Variants in LRBA observed in about 807,000 individuals in gnomAD.
LRBA encodes lipopolysaccharide-responsive and beige-like anchor protein.
A neutral mutation model predicts 330.0 loss-of-function variants in LRBA; 176 were observed. The ratio of observed to expected loss-of-function variants is 0.53; its 90% CI spans 0.47 to 0.60. The LOEUF (loss-of-function observed/expected upper bound fraction) is 0.60. Among genes scored for constraint, LRBA ranks in the 20% least tolerant of loss-of-function variants. LRBA has a pLI of 0.00. For synonymous variants in LRBA, 1,230 were observed against 1,193.0 expected (o/e 1.03, Z -0.64); for missense variants, 3,259 against 3,444.8 (o/e 0.95, Z 1.35).
chr4:150,312,158 C>T (rs898469631), intron 51 of LRBA, among the ~76,000 whole-genome samples: 1 of 152,074 alleles, frequency 6.6e-6, no homozygotes, highest in Non-Finnish European at 1.5e-5. Context: ...ACAAAGTACC[C>T]ATTGGCAAAG....
chr4:150,340,249 A>G (rs1041583264), intron 48 of LRBA, among the ~76,000 whole-genome samples: 5 of 152,198 alleles, frequency 3.3e-5, no homozygotes, highest in African/African-American at 1.2e-4. Flanking sequence ...TATGAACTAT[A>G]TAACTGAATA....
chr4:150,726,691 A>C (rs1729719062), intron 36 of LRBA, among the ~76,000 whole-genome samples: 1 of 152,082 alleles, frequency 6.6e-6, no homozygotes, highest in Non-Finnish European at 1.5e-5. Flanking sequence ...TCTCATGAGA[A>C]CTCACTATTA....
chr4:150,638,082 C>T (rs920100111), intron 37 of LRBA, among the ~76,000 whole-genome samples: 2 of 150,852 alleles, frequency 1.3e-5, no homozygotes, highest in African/African-American at 4.9e-5. Context: ...TATTTGTTTA[C>T]AATTTCTTTA....
chr4:150,920,627 A>G (rs895833608), intron 5 of LRBA, among the ~76,000 whole-genome samples: 2 of 152,226 alleles, frequency 1.3e-5, no homozygotes, highest in African/African-American at 4.8e-5. Context: ...ACTTCCATAA[A>G]TAACATATAT....
At position 150,928,579 on chromosome 4, in the gene LRBA, A is replaced by G; in HGVS notation, c.486T>C (p.Tyr162=). 6.2e-7 allele frequency: 1 copy of G among 1,613,950 alleles called. No individual in the cohort carries two copies. Among genetic ancestry groups the G allele is most frequent in the Non-Finnish European group, 8.5e-7 (1 of 1,179,906 alleles). Residue 162 remains tyrosine (Y), a synonymous_variant, in exon 4 of 57, where the codon TAT becomes TAC. Coordinates refer to ENST00000651943, the MANE Select transcript of LRBA (RefSeq NM_001364905.1). ...LVDMLGVLAS[Y]NLTVRELKLF... ...GCTTTAGCTCGCGAACTGTCAAATT[A>G]TAGCTAGCCAGCACTCCCAACATGT...
intron 42 of LRBA, among the ~76,000 whole-genome samples, chr4:150,482,672 T>C (rs1396413217): frequency 1.3e-5 from 2 of 152,132 alleles, no homozygotes; most frequent in African/African-American, 4.8e-5. Context: ...GAGGTTCCAG[T>C]TGCCTTGTAT....
chr4:150,867,983 A>T, intron 21 of LRBA, 120 bp from the exon 22 acceptor site: 1 of 941,988 alleles, frequency 1.1e-6, no homozygotes, highest in Non-Finnish European at 1.6e-6. Context: ...AAACACATTT[A>T]GTTATACATT....
At chr4:150,310,185 C>T in intron 52 of LRBA, 44 bp downstream of exon 52, 1 of 1,385,894 alleles carries the variant, frequency 7.2e-7, no homozygotes, top group Non-Finnish European at 1.0e-6. Flanking sequence ...CTCAATACTA[C>T]TTATAGTAAA....
intron 2 of LRBA, among the ~76,000 whole-genome samples, chr4:151,012,289 T>G (rs2149677961): frequency 1.3e-5 from 2 of 152,342 alleles, no homozygotes; most frequent in Non-Finnish European, 2.9e-5. Flanking sequence ...TGGATTTTCT[T>G]TAATGATAAA....
At chr4:150,949,102 A>C (rs1012962309) in intron 2 of LRBA, among the ~76,000 whole-genome samples, 1 of 151,890 alleles carries the variant, frequency 6.6e-6, no homozygotes, top group Non-Finnish European at 1.5e-5. Context: ...CATTTTTCCC[A>C]AATAAATAAA....
Position 150,488,736 on chromosome 4 carries a change from C to G in LRBA, c.6449-902G>C, listed in dbSNP as rs374915179. Among the ~76,000 whole-genome samples, 5 of 125,644 alleles carry G rather than the reference C, an allele frequency of 4.0e-5. No individual in the cohort carries two copies. In the South Asian group the frequency reaches 1.3e-3, roughly 32 times the overall value. 82.4% of individuals were successfully genotyped at this position (125,644 alleles called of 152,430 possible). A position where few individuals can be genotyped will look rare whatever the true frequency, so the allele number is the denominator to read the frequency against. ...AAGATGGTCCTTCTTCTCTACCAAC[C>G]CTTAAAAAAATATTTAAAGCCAAAA... is the stretch of plus-strand genomic sequence containing the variant. On this transcript the variant is annotated intron_variant, in intron 41 of 56. Coordinates refer to ENST00000651943, the MANE Select transcript of LRBA (RefSeq NM_001364905.1).
chr4:150,745,794 G>A (rs547765038), intron 35 of LRBA, among the ~76,000 whole-genome samples: 43 of 151,404 alleles, frequency 2.8e-4, no homozygotes, highest in Non-Finnish European at 5.3e-4. Flanking sequence ...GATTACAGGC[G>A]TCAGCCACTG....
chr4:150,938,458 A>G (rs76463862), intron 2 of LRBA, among the ~76,000 whole-genome samples: 3,365 of 152,238 alleles, frequency 0.022, 109 homozygotes, highest in African/African-American at 0.077. Context: ...TCCTTCTTCC[A>G]TAATAATAAA....
intron 2 of LRBA, among the ~76,000 whole-genome samples, chr4:150,938,666 T>C (rs1296720788): frequency 6.6e-6 from 1 of 152,180 alleles, no homozygotes; most frequent in East Asian, 1.9e-4. Context: ...CTGCTTAAGA[T>C]GCAGAATAGT....
chr4:150,757,693 T>C (rs1025646166), intron 35 of LRBA, among the ~76,000 whole-genome samples: 1 of 152,190 alleles, frequency 6.6e-6, no homozygotes, highest in Non-Finnish European at 1.5e-5. Context: ...TAAATATTTA[T>C]AAAAGGAAAG....
chr4:150,602,495 T>C (rs1774219679), intron 37 of LRBA, among the ~76,000 whole-genome samples: 1 of 152,176 alleles, frequency 6.6e-6, no homozygotes, highest in Admixed American at 6.6e-5. Context: ...GTAACAAACC[T>C]GGGCCTAAAG....
chr4:150,754,304 A>C (rs1733971626), intron 35 of LRBA, among the ~76,000 whole-genome samples: 1 of 144,954 alleles, frequency 6.9e-6, no homozygotes, highest in Non-Finnish European at 1.5e-5. Flanking sequence ...AGAAAATTCT[A>C]ATCTTCTTTG....
chr4:150,508,829 A>G (rs139655231), intron 40 of LRBA, among the ~76,000 whole-genome samples: 27 of 152,334 alleles, frequency 1.8e-4, no homozygotes, highest in Non-Finnish European at 2.9e-4. Flanking sequence ...ATCAATAAAG[A>G]TACAAAGGAG....
intron 47 of LRBA, among the ~76,000 whole-genome samples, chr4:150,355,633 C>T (rs1737737885): frequency 6.6e-6 from 1 of 152,032 alleles, no homozygotes; most frequent in Non-Finnish European, 1.5e-5. Context: ...TACAAAGGTT[C>T]TGAGATACAA....
Sources: allele counts gnomAD v4.1 joint callset (sites outside exome capture counted in the v4.1 genomes callset), GRCh38; gene constraint gnomAD v4.1.1; transcripts MANE v1.5; gene names NCBI Gene and HGNC (gene_info 2026-07-23, HGNC 2026-07-21).